Variants in FHIT observed in about 807,000 individuals in gnomAD.
The protein encoded by FHIT is bis(5'-adenosyl)-triphosphatase.
A neutral mutation model predicts 17.9 loss-of-function variants in FHIT; 19 were observed. The ratio of observed to expected loss-of-function variants is 1.06; its 90% CI spans 0.74 to 1.56. FHIT has a LOEUF of 1.56. Among genes scored for constraint, FHIT ranks in the 40% most tolerant of loss-of-function variants. The pLI is 0.00. For missense variants in FHIT, 248 were observed against 189.2 expected (o/e 1.31, Z -1.82); for synonymous variants, 81 against 69.7 (o/e 1.16, Z -0.81).
chr3:60,378,509 T>C (rs1481090917), intron 5 of FHIT, among the ~76,000 whole-genome samples: 2 of 152,160 alleles, frequency 1.3e-5, no homozygotes, highest in African/African-American at 4.8e-5. Context: ...TTTAAATTAA[T>C]CATTTGGAGG....
At chr3:60,525,705 G>C (rs950908122) in intron 5 of FHIT, among the ~76,000 whole-genome samples, 4 of 152,102 alleles carry the variant, frequency 2.6e-5, no homozygotes, top group African/African-American at 9.7e-5. Flanking sequence ...ACAGACTTGA[G>C]ATGCAACTTT....
chr3:60,348,906 C>G (rs569852837), intron 5 of FHIT, among the ~76,000 whole-genome samples: 1 of 152,334 alleles, frequency 6.6e-6, no homozygotes, highest in East Asian at 1.9e-4. Context: ...CAGCCAAGAA[C>G]AGCCTAGATC....
intron 3 of FHIT, among the ~76,000 whole-genome samples, chr3:61,039,130 C>T (rs1259060095): frequency 2.0e-5 from 3 of 152,124 alleles, no homozygotes; most frequent in Admixed American, 6.6e-5. Context: ...AGGAAGGCTA[C>T]AATTGGCCGC....
intron 3 of FHIT, among the ~76,000 whole-genome samples, chr3:61,019,411 T>A (rs924724705): frequency 7.9e-5 from 12 of 152,156 alleles, no homozygotes; most frequent in Non-Finnish European, 1.5e-4. Flanking sequence ...ATGCAACAGG[T>A]GGGAGTAAGG....
intron 2 of FHIT, among the ~76,000 whole-genome samples, chr3:61,043,311 C>T (rs553975145): frequency 6.6e-5 from 10 of 151,416 alleles, no homozygotes; most frequent in East Asian, 1.9e-4. Flanking sequence ...TTATATCCCG[C>T]GCCTAGCTCG....
intron 5 of FHIT, among the ~76,000 whole-genome samples, chr3:60,494,403 G>A (rs964300466): frequency 6.7e-6 from 1 of 149,788 alleles, no homozygotes; most frequent in Non-Finnish European, 1.5e-5. Flanking sequence ...GACATGCAAT[G>A]TGTAATAATC....
chr3:60,059,603 C>T (rs1171409014), intron 5 of FHIT, among the ~76,000 whole-genome samples: 1 of 152,190 alleles, frequency 6.6e-6, no homozygotes, highest in Non-Finnish European at 1.5e-5. Flanking sequence ...TTGTCTCAGT[C>T]TCTTTTCCTG....
intron 5 of FHIT, among the ~76,000 whole-genome samples, chr3:60,096,670 C>T (rs569104309): frequency 1.3e-5 from 2 of 152,280 alleles, no homozygotes; most frequent in African/African-American, 2.4e-5. Context: ...ATTCCATTGG[C>T]AGATTTCTGT....
At chr3:60,640,865 T>A (rs2039708255) in intron 4 of FHIT, among the ~76,000 whole-genome samples, 1 of 152,182 alleles carries the variant, frequency 6.6e-6, no homozygotes, top group Non-Finnish European at 1.5e-5. Flanking sequence ...TGAGTAGGAT[T>A]TGCTTTAAAC....
At chr3:60,070,161 G>C (rs1021075535) in intron 5 of FHIT, among the ~76,000 whole-genome samples, 82 of 152,204 alleles carry the variant, frequency 5.4e-4, no homozygotes, top group Admixed American at 9.2e-4. Flanking sequence ...AGTGCCCTGG[G>C]TCCAAACTCA....
intron 2 of FHIT, among the ~76,000 whole-genome samples, chr3:61,058,645 T>C (rs975830254): frequency 1.3e-5 from 2 of 152,188 alleles, no homozygotes; most frequent in Non-Finnish European, 2.9e-5. Flanking sequence ...CTTCACCTTC[T>C]ACCTGAGGCC....
intron 2 of FHIT, among the ~76,000 whole-genome samples, chr3:61,187,056 T>C (rs906874771): frequency 2.6e-5 from 4 of 152,188 alleles, no homozygotes; most frequent in Admixed American, 1.3e-4. Flanking sequence ...GCCCGACCCA[T>C]GTTCCTTGTA....
At chr3:60,265,866 C>T (rs1472822404) in intron 5 of FHIT, among the ~76,000 whole-genome samples, 1 of 151,730 alleles carries the variant, frequency 6.6e-6, no homozygotes, top group African/African-American at 2.4e-5. Context: ...GTGATCTAAA[C>T]ACCATGAGTC....
At chr3:60,466,823 GT>G (rs34184253) in intron 5 of FHIT, among the ~76,000 whole-genome samples, 17,464 of 135,338 alleles carry the variant, frequency 0.13, 1,294 homozygotes, top group East Asian at 0.38. Context: ...CTTGCCTGCA[GT>G]TTTTTTTTTT....
intron 3 of FHIT, among the ~76,000 whole-genome samples, chr3:60,868,545 C>T (rs972347061): frequency 1.3e-5 from 2 of 152,152 alleles, no homozygotes; most frequent in Non-Finnish European, 2.9e-5. Flanking sequence ...CTTTCTCATA[C>T]AATCAGAGCT....
In FHIT at chr3:59,998,453, T is replaced by C. The variant is rs978572529; in HGVS notation, c.279+12918A>G. Among the ~76,000 whole-genome samples the C allele has an allele frequency of 2.0e-5, 3 of 152,166 alleles. No individual in the cohort carries two copies. The South Asian group carries it at 6.2e-4, about 32-fold the overall frequency. ...CTAGAAAAGGCAGAGACACTAGTACTATACCACTTCCACTGAAAAGAGGGA... is the reference window on the plus strand; with the variant it reads ...CTAGAAAAGGCAGAGACACTAGTACCATACCACTTCCACTGAAAAGAGGGA... On this transcript the variant is annotated intron_variant, in intron 7 of 9. Transcript: ENST00000492590.
chr3:60,040,511 G>C (rs548096026), intron 5 of FHIT, among the ~76,000 whole-genome samples: 2 of 152,224 alleles, frequency 1.3e-5, no homozygotes, highest in East Asian at 1.9e-4. Context: ...GGGTGAAACA[G>C]AGCCATAATA....
intron 4 of FHIT, among the ~76,000 whole-genome samples, chr3:60,728,307 A>T (rs1191853902): frequency 1.3e-5 from 2 of 152,198 alleles, no homozygotes; most frequent in African/African-American, 4.8e-5. Context: ...TAGTCTGGTT[A>T]CTTCATTTCT....
chr3:59,835,457 C>A (rs1424074125), intron 8 of FHIT, among the ~76,000 whole-genome samples: 1 of 152,080 alleles, frequency 6.6e-6, no homozygotes, highest in Non-Finnish European at 1.5e-5. Flanking sequence ...ACTGCAAAGA[C>A]ACAAAGAAGA....
Sources: allele counts gnomAD v4.1 joint callset (sites outside exome capture counted in the v4.1 genomes callset), GRCh38; gene constraint gnomAD v4.1.1; transcripts MANE v1.5; gene names NCBI Gene and HGNC (gene_info 2026-07-23, HGNC 2026-07-21).